Variants in CTNNA3 observed in about 807,000 individuals in gnomAD.
CTNNA3 encodes the protein catenin alpha 3, also known as catenin alpha-3.
CTNNA3 carries 76 observed loss-of-function variants against 95.7 expected under a neutral mutation model. The ratio of observed to expected loss-of-function variants is 0.79; its 90% confidence interval spans 0.66 to 0.96. CTNNA3 has a LOEUF of 0.96. Among genes scored for constraint, CTNNA3 ranks in the 40% least tolerant of loss-of-function variants. The pLI is 0.00. For synonymous variants in CTNNA3, 431 were observed against 374.4 expected (o/e 1.15, Z -1.74); for missense variants, 1,191 against 1,089.8 (o/e 1.09, Z -1.31).
chr10:66,925,730 G>C (rs892274160), intron 7 of CTNNA3, among the ~76,000 whole-genome samples: 2 of 152,118 alleles, frequency 1.3e-5, no homozygotes, highest in Non-Finnish European at 2.9e-5. Context: ...ATTGACGTTC[G>C]GTCTGTGAAC....
In CTNNA3 at chr10:66,379,219, C is replaced by A. The variant is rs776231474; in HGVS notation, c.1665G>T (p.Met555Ile). ...TGTAAGCCCCTGGCTCGTAACTGTC[C>A]ATTTCACCCGTGACGATGTGAGCAA... ...ARVAHIVTGE[M>I]DSYEPGAYTE... The change falls in exon 12 of 18, where the codon ATG becomes ATT. Residue 555 changes from methionine (M) to isoleucine (I), a missense_variant. Transcript: ENST00000433211. The A allele has an allele frequency of 6.8e-6, 11 of 1,613,990 alleles. No homozygotes were observed. The highest frequency in any genetic ancestry group is 9.3e-6 in the Non-Finnish European group (11 of 1,179,996).
At chr10:66,044,655 G>T (rs532367580) in intron 15 of CTNNA3, among the ~76,000 whole-genome samples, 6 of 152,032 alleles carry the variant, frequency 3.9e-5, no homozygotes, top group Non-Finnish European at 8.8e-5. Context: ...TCATCGTCCA[G>T]CTATGGCATT....
chr10:66,841,008 T>A (rs1311004039), intron 7 of CTNNA3, among the ~76,000 whole-genome samples: 2 of 152,210 alleles, frequency 1.3e-5, no homozygotes, highest in African/African-American at 4.8e-5. Context: ...CTATGATATA[T>A]ATTCAGGAAA....
At chr10:66,111,954 G>GT (rs2082136804) in intron 13 of CTNNA3, among the ~76,000 whole-genome samples, 2 of 152,112 alleles carry the variant, frequency 1.3e-5, no homozygotes, top group East Asian at 3.9e-4. Context: ...GATAATTTTT[G>GT]TAAATCCTTT....
At chr10:67,543,142 C>A (rs1840734547) in intron 3 of CTNNA3, among the ~76,000 whole-genome samples, 1 of 151,958 alleles carries the variant, frequency 6.6e-6, no homozygotes, top group Admixed American at 6.6e-5. Context: ...TAGAAAACTT[C>A]TTTCTACTGA....
intron 13 of CTNNA3, among the ~76,000 whole-genome samples, chr10:66,132,678 G>T (rs2083168200): frequency 6.6e-6 from 1 of 152,088 alleles, no homozygotes; most frequent in Non-Finnish European, 1.5e-5. Flanking sequence ...ATTTAATAAA[G>T]AAAATGCAGT....
At chr10:67,031,664 C>T (rs1853736337) in intron 7 of CTNNA3, among the ~76,000 whole-genome samples, 1 of 152,164 alleles carries the variant, frequency 6.6e-6, no homozygotes, top group African/African-American at 2.4e-5. Flanking sequence ...GGTAACAAAA[C>T]TGTCAGAATT....
Position 66,940,000 on chromosome 10 carries a change from T to A in CTNNA3, c.1048-164476A>T, listed in dbSNP as rs1043900339. ...TAAGATAAACCCAGTGGTTACTTAA[T>A]TTTTTTTTTAATTCTTCTTTGTTTT... is the stretch of plus-strand genomic sequence containing the variant. On this transcript the variant is annotated intron_variant, in intron 7 of 17. Transcript: ENST00000433211. 2.0e-5 allele frequency among the ~76,000 whole-genome samples: 3 copies of A among 150,228 alleles called. No homozygotes were observed. In the East Asian group the frequency reaches 5.8e-4, roughly 29 times the overall value.
intron 13 of CTNNA3, among the ~76,000 whole-genome samples, chr10:66,110,912 C>G (rs922590067): frequency 1.3e-5 from 2 of 152,122 alleles, no homozygotes; most frequent in African/African-American, 4.8e-5. Flanking sequence ...AGGCTACAAA[C>G]CTGTATGGCA....
intron 13 of CTNNA3, among the ~76,000 whole-genome samples, chr10:66,118,002 C>T (rs1391194889): frequency 6.6e-6 from 1 of 152,112 alleles, no homozygotes; most frequent in East Asian, 1.9e-4. Context: ...GGGAGAGTTA[C>T]CGTCAGATGT....
At chr10:66,551,631 T>C (rs1243533339) in intron 10 of CTNNA3, among the ~76,000 whole-genome samples, 2 of 152,130 alleles carry the variant, frequency 1.3e-5, no homozygotes, top group Non-Finnish European at 2.9e-5. Context: ...TGGAATTACG[T>C]CTTGTGTGTG....
chr10:65,962,834 G>T (rs541523819), intron 17 of CTNNA3, among the ~76,000 whole-genome samples: 5 of 151,404 alleles, frequency 3.3e-5, no homozygotes, highest in Non-Finnish European at 7.4e-5. Flanking sequence ...GTGTTAGTTT[G>T]CTGAGAATGA....
chr10:67,557,898 G>C (rs1368433897), intron 3 of CTNNA3, among the ~76,000 whole-genome samples: 1 of 152,060 alleles, frequency 6.6e-6, no homozygotes, highest in Non-Finnish European at 1.5e-5. Context: ...ACTCTGTCAG[G>C]GCTGCCCTAA....
At chr10:66,964,845 C>T (rs1849314299) in intron 7 of CTNNA3, among the ~76,000 whole-genome samples, 1 of 152,098 alleles carries the variant, frequency 6.6e-6, no homozygotes, top group African/African-American at 2.4e-5. Flanking sequence ...CTTCATCGCT[C>T]ACAGAAAAGT....
intron 6 of CTNNA3, among the ~76,000 whole-genome samples, chr10:67,183,176 A>G (rs1283826765): frequency 2.0e-5 from 3 of 152,242 alleles, no homozygotes; most frequent in African/African-American, 7.2e-5. Context: ...TGACCCAGCC[A>G]TCCCATTACT....
intron 13 of CTNNA3, among the ~76,000 whole-genome samples, chr10:66,126,922 C>T (rs2082852818): frequency 6.6e-6 from 1 of 151,908 alleles, no homozygotes; most frequent in Admixed American, 6.6e-5. Flanking sequence ...AAATAACTTC[C>T]ACTCCTTAAC....
chr10:66,831,575 G>A (rs1453271663), intron 7 of CTNNA3, among the ~76,000 whole-genome samples: 2 of 152,110 alleles, frequency 1.3e-5, no homozygotes, highest in East Asian at 3.9e-4. Context: ...TTACTGGTTT[G>A]ATTCCTCTCC....
chr10:67,566,058 T>TATATATATATATATATATACAC (rs1418561699), intron 3 of CTNNA3, among the ~76,000 whole-genome samples: 1 of 85,582 alleles, frequency 1.2e-5, no homozygotes, highest in Admixed American at 1.4e-4. Context: ...TATATATATA[T>TATATATATATATATATATACAC]ATATATATAT....
intron 11 of CTNNA3, among the ~76,000 whole-genome samples, chr10:66,386,771 A>C (rs1401628200): frequency 6.6e-6 from 1 of 152,184 alleles, no homozygotes; most frequent in East Asian, 1.9e-4. Flanking sequence ...GGAACAGAAC[A>C]GAGGCTCAGA....
Sources: gnomAD v4.1 joint callset for allele counts (sites outside exome capture counted in the v4.1 genomes callset) on GRCh38, gnomAD v4.1.1 for gene constraint, MANE v1.5 for transcripts, NCBI Gene and HGNC (gene_info 2026-07-23, HGNC 2026-07-21) for gene names.